The following WIPF1 variants were observed in gnomAD, a reference collection of about 807,000 sequenced individuals.
WIPF1 encodes the protein WAS/WASL-interacting protein family member 1.
WIPF1 carries 13 observed loss-of-function variants against 35.4 expected under a neutral mutation model. The observed-to-expected ratio is 0.37, with a 90% CI of 0.24 to 0.58. The LOEUF (loss-of-function observed/expected upper bound fraction) is 0.58, where lower values mean the gene tolerates loss of function less well. WIPF1 is among the 20% of genes least tolerant of loss of function. The pLI, the probability that WIPF1 is intolerant of heterozygous loss-of-function variation, is 0.74. For synonymous variants in WIPF1, 267 were observed against 266.3 expected (o/e 1.00, Z -0.02); for missense variants, 591 against 667.0 (o/e 0.89, Z 1.25).
chr2:174,615,766 A>AAG (rs1219454704), intron 1 of WIPF1, among the ~76,000 whole-genome samples: 2 of 152,222 alleles, frequency 1.3e-5, no homozygotes, highest in African/African-American at 4.8e-5. Flanking sequence ...TTATAAAGAG[A>AAG]AGAGCAGGCA....
chr2:174,631,543 T>C (rs949549438), intron 1 of WIPF1, among the ~76,000 whole-genome samples: 1 of 152,184 alleles, frequency 6.6e-6, no homozygotes, highest in Non-Finnish European at 1.5e-5. Flanking sequence ...GGTTGCACAA[T>C]ATGAATATAC....
At chr2:174,593,704 C>T (rs910808028) in intron 1 of WIPF1, among the ~76,000 whole-genome samples, 1 of 152,228 alleles carries the variant, frequency 6.6e-6, no homozygotes, top group Non-Finnish European at 1.5e-5. Context: ...GTTTCTTTAA[C>T]ACAATCTTTT....
chr2:174,679,050 A>G (rs932288599), intron 1 of WIPF1, among the ~76,000 whole-genome samples: 2 of 152,230 alleles, frequency 1.3e-5, no homozygotes, highest in Non-Finnish European at 2.9e-5. Flanking sequence ...TGCTAATAAT[A>G]ATAATAGTCC....
Position 174,560,494 on chromosome 2 carries a change from G to A in WIPF1, c.*2053C>T, listed in dbSNP as rs529374411. ...ATGGGTCATTAGGCTTTATCATAGG[G>A]ATGTTTTTCACTGTTGAAATCAGAT... On this transcript the variant is annotated 3_prime_UTR_variant, in exon 8 of 8. Transcript: ENST00000679041. The A allele has an allele frequency of 6.6e-6, 1 of 152,552 alleles. No homozygotes were observed. Among genetic ancestry groups the A allele is most frequent in the Non-Finnish European group, 1.5e-5 (1 of 68,014 alleles). The allele number at this position is 152,552 out of a possible 1,614,324, so 9.4% of individuals were successfully genotyped here.
At chr2:174,585,193 T>C (rs914566041) in intron 2 of WIPF1, among the ~76,000 whole-genome samples, 1 of 152,214 alleles carries the variant, frequency 6.6e-6, no homozygotes, top group African/African-American at 2.4e-5. Context: ...TTCATCTGAA[T>C]GAAAACAGTG....
At chr2:174,585,373 G>T in intron 2 of WIPF1, 150 bp downstream of exon 2, 1 of 756,414 alleles carries the variant, frequency 1.3e-6, no homozygotes, top group African/African-American at 1.8e-5. Flanking sequence ...CTGGGTTTCA[G>T]GATTTGGCTT....
In WIPF1 at chr2:174,560,608, G is replaced by C. The variant is rs1237914737; in HGVS notation, c.*1939C>G. On this transcript the variant is annotated 3_prime_UTR_variant, in exon 8 of 8. Coordinates refer to ENST00000679041, the MANE Select transcript of WIPF1 (RefSeq NM_001375834.1). ...TTTTAAAAAGCCAACACTTTGCCAA[G>C]CTTGTTATACCTTATTATTTCTTGA... The C allele has an allele frequency of 6.6e-6, 1 of 152,514 alleles. No homozygotes were observed. The highest frequency in any genetic ancestry group is 6.5e-5 in the Admixed American group (1 of 15,274). 9.4% of individuals were successfully genotyped at this position (152,514 alleles called of 1,614,324 possible). A position where few individuals can be genotyped will look rare whatever the true frequency, so the allele number is the denominator to read the frequency against.
chr2:174,598,372 C>T (rs537919281), upstream of WIPF1, among the ~76,000 whole-genome samples: 9 of 152,140 alleles, frequency 5.9e-5, no homozygotes, highest in South Asian at 1.0e-3. Context: ...AGTGCAGTGG[C>T]GTAATCATAG....
intron 7 of WIPF1, among the ~76,000 whole-genome samples, chr2:174,563,800 A>C (rs761981096): frequency 6.6e-6 from 1 of 152,128 alleles, no homozygotes; most frequent in Non-Finnish European, 1.5e-5. Context: ...AGTGGGCTGG[A>C]ACTGGCAGAT....
At chr2:174,672,823 A>G (rs1688048553) in intron 1 of WIPF1, among the ~76,000 whole-genome samples, 1 of 152,210 alleles carries the variant, frequency 6.6e-6, no homozygotes, top group Non-Finnish European at 1.5e-5. Flanking sequence ...CTGGGATTAG[A>G]CTACAACTGG....
At chr2:174,667,488 G>A (rs760955251) in intron 1 of WIPF1, among the ~76,000 whole-genome samples, 1 of 152,144 alleles carries the variant, frequency 6.6e-6, no homozygotes, top group Non-Finnish European at 1.5e-5. Flanking sequence ...CCAGCCCTAG[G>A]TTTCTGTCTC....
intron 1 of WIPF1, chr2:174,665,658 G>T (rs1029625978): frequency 6.6e-6 from 1 of 152,212 alleles, no homozygotes; most frequent in Non-Finnish European, 1.5e-5. Context: ...AAGGAAATGT[G>T]TTGCATTTGG....
rs558996111 is a variant in WIPF1 at position 174,651,059 on chromosome 2, G to A, written c.-39+31715C>T. Among the ~76,000 whole-genome samples, 25 of 152,298 alleles carry A rather than the reference G, an allele frequency of 1.6e-4. 1 individual carries two copies. The South Asian group carries it at 2.7e-3, about 16-fold the overall frequency. ...AAAAGTTTTCTCCACACAACTTCTC[G>A]GAAGAGATCTGCCCTGTGATCTGCA... On this transcript the variant is annotated intron_variant, in intron 1 of 8. Coordinates refer to the WIPF1 transcript ENST00000272746.
At chr2:174,600,342 A>G (rs950153825), upstream of WIPF1, among the ~76,000 whole-genome samples, 169 of 152,292 alleles carry the variant, frequency 1.1e-3, no homozygotes, top group African/African-American at 3.8e-3. Flanking sequence ...CATAAATTAG[A>G]TAATGTTCCT....
At chr2:174,634,726 C>G (rs1467436033) in intron 1 of WIPF1, 1 of 152,236 alleles carries the variant, frequency 6.6e-6, no homozygotes. Flanking sequence ...AAATGATTGT[C>G]TCCCCCAGCT....
At chr2:174,595,373 T>TG (rs1255414768) in intron 1 of WIPF1, among the ~76,000 whole-genome samples, 8 of 151,266 alleles carry the variant, frequency 5.3e-5, no homozygotes, top group African/African-American at 1.9e-4. Context: ...GCTGCACTTG[T>TG]GAAAAAAAGC....
rs578232234 is a variant in WIPF1 at position 174,596,739 on chromosome 2, CA to C, written c.-39+861del. 2.3e-4 allele frequency among the ~76,000 whole-genome samples: 35 copies of C among 151,242 alleles called. No homozygotes were observed. In the South Asian group the frequency reaches 5.6e-3, roughly 24 times the overall value. On this transcript the variant is annotated intron_variant, in intron 1 of 7. Coordinates refer to ENST00000679041, the MANE Select transcript of WIPF1 (RefSeq NM_001375834.1). ...CCTGTCTCTACTAAAAATACAAAAA[CA>C]AAAAAAACAAAAAACTTGTACTTAG...
Position 174,571,252 on chromosome 2 carries a change from T to G in WIPF1, c.1129+424A>C. On this transcript the variant is annotated intron_variant, in intron 5 of 7. Transcript: ENST00000679041. This position sits in a 1 kb window ranked among gnomAD's most constrained non-coding sequence, Gnocchi z 4.6. Reference sequence around the variant, plus strand: ...AAGAGAGAAGTACAGGAGAAGTTCATTAGCTCTTGAAGAACTTCCCCTCTT... The same window carrying G: ...AAGAGAGAAGTACAGGAGAAGTTCAGTAGCTCTTGAAGAACTTCCCCTCTT... The G allele has an allele frequency of 2.7e-6, 1 of 371,816 alleles. No homozygotes were observed. The highest frequency in any genetic ancestry group is 4.9e-6 in the Non-Finnish European group (1 of 205,044). The allele number at this position is 371,816 out of a possible 1,614,324, so 23.0% of individuals were successfully genotyped here. A position where few individuals can be genotyped will look rare whatever the true frequency, so the allele number is the denominator to read the frequency against.
chr2:174,593,233 CCT>C (rs750246216), intron 1 of WIPF1, among the ~76,000 whole-genome samples: 2 of 151,090 alleles, frequency 1.3e-5, no homozygotes, highest in Non-Finnish European at 1.5e-5. Flanking sequence ...TCTCTCTCTC[CCT>C]CTCTCTCTCT....
Sources: gnomAD v4.1 joint callset for allele counts (sites outside exome capture counted in the v4.1 genomes callset) on GRCh38, gnomAD v4.1.1 for gene constraint, Gnocchi (gnomAD v3.1) non-coding constraint, MANE v1.5 for transcripts, NCBI Gene and HGNC (gene_info 2026-07-23, HGNC 2026-07-21) for gene names.